The following PTPRD variants were observed in gnomAD, a reference collection of about 807,000 sequenced individuals.
PTPRD encodes the protein receptor-type tyrosine-protein phosphatase delta.
In PTPRD, 34 loss-of-function variants were observed where a neutral mutation model predicts 214.5. The observed-to-expected ratio is 0.16, with a 90% CI of 0.12 to 0.21. The LOEUF (loss-of-function observed/expected upper bound fraction) is 0.21, where lower values mean the gene tolerates loss of function less well. Ranked by LOEUF, PTPRD falls within the 10% of genes least tolerant of loss-of-function variation. The pLI is 1.00. For missense variants in PTPRD, 2,545 were observed against 2,398.7 expected (o/e 1.06, Z -1.27); for synonymous variants, 1,128 against 845.7 (o/e 1.33, Z -5.79).
intron 10 of PTPRD, among the ~76,000 whole-genome samples, chr9:9,111,688 T>A (rs1239828481): frequency 6.6e-6 from 1 of 152,160 alleles, no homozygotes; most frequent in Admixed American, 6.5e-5. Context: ...CAGAGGCAAA[T>A]TATACACAAG....
chr9:10,200,526 T>C (rs909517196), intron 3 of PTPRD, among the ~76,000 whole-genome samples: 1 of 152,096 alleles, frequency 6.6e-6, no homozygotes, highest in Non-Finnish European at 1.5e-5. Flanking sequence ...GCTAGATGTT[T>C]ACATCATTTA....
At position 10,265,898 on chromosome 9, in the gene PTPRD, G is replaced by A. The variant is rs118081784; in HGVS notation, c.-545+75065C>T. On this transcript the variant is annotated intron_variant, in intron 3 of 45. Coordinates refer to ENST00000381196, the MANE Select transcript of PTPRD (RefSeq NM_002839.4). Reference sequence around the variant, plus strand: ...GTGAAATCAGCATTACAGTAATCTAGTTTATGTCCCGCAAAAATATAAAGC... The same window carrying A: ...GTGAAATCAGCATTACAGTAATCTAATTTATGTCCCGCAAAAATATAAAGC... Among the ~76,000 whole-genome samples, 718 of 152,252 alleles carry A rather than the reference G, an allele frequency of 4.7e-3. 3 individuals carry two copies. The highest frequency in any genetic ancestry group is 6.7e-3 in the Admixed American group (102 of 15,308).
intron 11 of PTPRD, among the ~76,000 whole-genome samples, chr9:8,799,862 T>C (rs772962892): frequency 9.2e-5 from 14 of 152,102 alleles, no homozygotes; most frequent in Non-Finnish European, 1.8e-4. Flanking sequence ...TTTTTTTTTC[T>C]TTTCAAGTTG....
chr9:10,529,334 G>A (rs535960364), intron 2 of PTPRD, among the ~76,000 whole-genome samples: 1 of 152,064 alleles, frequency 6.6e-6, no homozygotes, highest in Non-Finnish European at 1.5e-5. Flanking sequence ...GCCCATCAAG[G>A]TTAGACTGGA....
intron 12 of PTPRD, among the ~76,000 whole-genome samples, chr9:8,689,697 G>A (rs1246902594): frequency 6.6e-6 from 1 of 151,974 alleles, no homozygotes; most frequent in East Asian, 1.9e-4. Flanking sequence ...ATTTGGGTGG[G>A]GACACAGCCA....
At chr9:10,103,944 T>A (rs1000385399) in intron 3 of PTPRD, among the ~76,000 whole-genome samples, 6 of 151,580 alleles carry the variant, frequency 4.0e-5, no homozygotes, top group African/African-American at 1.5e-4. Context: ...ACAAAATAAA[T>A]AAAATGTGGT....
intron 11 of PTPRD, among the ~76,000 whole-genome samples, chr9:8,829,265 G>C (rs532689626): frequency 2.0e-5 from 3 of 152,180 alleles, no homozygotes; most frequent in Non-Finnish European, 4.4e-5. Context: ...TCCTTATCCA[G>C]TCATCCTCCT....
chr9:8,560,272 A>G (rs1353719444), intron 14 of PTPRD, among the ~76,000 whole-genome samples: 2 of 152,180 alleles, frequency 1.3e-5, no homozygotes, highest in Non-Finnish European at 2.9e-5. Context: ...GAATTTTTAA[A>G]CTCCATGCAA....
At chr9:8,370,235 C>CATACAT in intron 39 of PTPRD, among the ~76,000 whole-genome samples, 1 of 57,654 alleles carries the variant, frequency 1.7e-5, no homozygotes, top group East Asian at 3.4e-4. Context: ...CACACACACA[C>CATACAT]ACATATATAT....
At chr9:9,836,293 G>A (rs1463350038) in intron 5 of PTPRD, among the ~76,000 whole-genome samples, 9 of 152,150 alleles carry the variant, frequency 5.9e-5, no homozygotes, top group Non-Finnish European at 1.0e-4. Context: ...CAGAATGGAG[G>A]AAACTTTTAA....
At chr9:9,645,735 C>G (rs923576648) in intron 7 of PTPRD, among the ~76,000 whole-genome samples, 2 of 151,942 alleles carry the variant, frequency 1.3e-5, no homozygotes, top group African/African-American at 4.8e-5. Flanking sequence ...AAATTATACT[C>G]CTGTATAACC....
intron 12 of PTPRD, among the ~76,000 whole-genome samples, chr9:8,654,084 A>G (rs2096864406): frequency 6.6e-6 from 1 of 152,210 alleles, no homozygotes; most frequent in African/African-American, 2.4e-5. Context: ...GCTTCTACCC[A>G]ATAGATAACA....
chr9:8,333,678 G>T (rs375565339), intron 43 of PTPRD, among the ~76,000 whole-genome samples: 12 of 152,262 alleles, frequency 7.9e-5, no homozygotes, highest in African/African-American at 2.9e-4. Flanking sequence ...GCATCATAAT[G>T]ACAGAATCAA....
chr9:9,496,916 T>C (rs2096218319), intron 8 of PTPRD, among the ~76,000 whole-genome samples: 1 of 152,104 alleles, frequency 6.6e-6, no homozygotes, highest in African/African-American at 2.4e-5. Context: ...CATTCAGCCT[T>C]AAAAAGGAAG....
chr9:8,375,674 C>T (rs1390377915), intron 39 of PTPRD, among the ~76,000 whole-genome samples: 1 of 152,084 alleles, frequency 6.6e-6, no homozygotes, highest in Non-Finnish European at 1.5e-5. Context: ...CATGTGCCCA[C>T]TTAATTTTGT....
At chr9:9,769,842 A>C (rs1027631662) in intron 5 of PTPRD, among the ~76,000 whole-genome samples, 9 of 151,758 alleles carry the variant, frequency 5.9e-5, no homozygotes, top group Admixed American at 5.9e-4. Context: ...TCCCACTTAC[A>C]AGTGAGAACA....
At chr9:9,562,945 C>T in intron 8 of PTPRD, among the ~76,000 whole-genome samples, 1 of 152,130 alleles carries the variant, frequency 6.6e-6, no homozygotes, top group East Asian at 1.9e-4. Flanking sequence ...TACGGTGTAA[C>T]TCAAGCAGAA....
intron 4 of PTPRD, among the ~76,000 whole-genome samples, chr9:9,982,400 CAGTA>C (rs2095571012): frequency 6.6e-6 from 1 of 151,754 alleles, no homozygotes. Flanking sequence ...AATTATTTGT[CAGTA>C]AGTCATCAAA....
intron 7 of PTPRD, among the ~76,000 whole-genome samples, chr9:9,602,361 T>C (rs1159905943): frequency 1.3e-5 from 2 of 152,018 alleles, no homozygotes; most frequent in African/African-American, 4.8e-5. Context: ...CCCTCTAATA[T>C]ATTTAATTTA....
Sources: allele counts gnomAD v4.1 joint callset (sites outside exome capture counted in the v4.1 genomes callset), GRCh38; gene constraint gnomAD v4.1.1; transcripts MANE v1.5; gene names NCBI Gene and HGNC (gene_info 2026-07-23, HGNC 2026-07-21).